The following RBFOX3 variants were observed in gnomAD, a reference collection of about 807,000 sequenced individuals.
RBFOX3 encodes the protein RNA binding fox-1 homolog 3, also known as RNA binding protein fox-1 homolog 3.
RBFOX3 carries 17 observed loss-of-function variants against 48.7 expected under a neutral mutation model. The observed-to-expected ratio is 0.35, with a 90% confidence interval of 0.24 to 0.52. The LOEUF (loss-of-function observed/expected upper bound fraction) is 0.52, where lower values mean the gene tolerates loss of function less well. RBFOX3 is among the 20% of genes least tolerant of loss of function. RBFOX3 has a pLI of 0.94. For missense variants in RBFOX3, 382 were observed against 497.5 expected (o/e 0.77, Z 2.21); for synonymous variants, 212 against 209.5 (o/e 1.01, Z -0.10).
chr17:79,214,120 A>G lies in RBFOX3; in HGVS notation c.-34+21646T>C, dbSNP rs1236420581. 6.6e-6 allele frequency among the ~76,000 whole-genome samples: 1 copy of G among 152,126 alleles called. No homozygotes were observed. The highest frequency in any genetic ancestry group is 6.5e-5 in the Admixed American group (1 of 15,274). On this transcript the variant is annotated intron_variant, in intron 4 of 14. Coordinates refer to ENST00000693108, the MANE Select transcript of RBFOX3 (RefSeq NM_001350451.2). The surrounding 1 kb of genome is among the most constrained non-coding windows in gnomAD (Gnocchi z 4.7). ...GGACTGAAATAAATGGAGTCAAGTG[A>G]ACTTCTTTGGTAAACCATGATGGAT... is the stretch of plus-strand genomic sequence containing the variant.
intron 1 of RBFOX3, among the ~76,000 whole-genome samples, chr17:79,604,616 T>A (rs2093785431): frequency 6.6e-6 from 1 of 152,148 alleles, no homozygotes; most frequent in Non-Finnish European, 1.5e-5. Flanking sequence ...AAAATAGGAG[T>A]TGTTTTTGAT....
At chr17:79,510,430 C>T (rs4790066) in intron 1 of RBFOX3, among the ~76,000 whole-genome samples, 43,123 of 152,172 alleles carry the variant, frequency 0.28, 7,643 homozygotes, top group Non-Finnish European at 0.39. Context: ...TACCCTCAGA[C>T]GACACACTCA....
chr17:79,300,068 T>TA (rs2075072307), intron 3 of RBFOX3, among the ~76,000 whole-genome samples: 1 of 152,118 alleles, frequency 6.6e-6, no homozygotes, highest in Non-Finnish European at 1.5e-5. Context: ...GCACACCCCC[T>TA]AACTTTTGTA....
At chr17:79,541,989 A>C (rs2089770598) in intron 1 of RBFOX3, among the ~76,000 whole-genome samples, 1 of 151,148 alleles carries the variant, frequency 6.6e-6, no homozygotes, top group Non-Finnish European at 1.5e-5. Flanking sequence ...TTCTTTTTAC[A>C]GAACAAAACC....
Position 79,499,081 on chromosome 17 carries a change from C to T in RBFOX3, c.-319-16483G>A, listed in dbSNP as rs148201832. On this transcript the variant is annotated intron_variant, in intron 1 of 14. Transcript: ENST00000693108. ...CCACATTCCTACCCATCCATGTACT[C>T]ACTCATCCATCTACTCACTCATCTA... 2.3e-3 allele frequency among the ~76,000 whole-genome samples: 342 copies of T among 151,238 alleles called. 1 individual carries two copies. Among genetic ancestry groups the T allele is most frequent in the African/African-American group, 8.2e-3 (337 of 41,236 alleles).
the RBFOX3 span, among the ~76,000 whole-genome samples, chr17:79,640,786 C>T: frequency 1.3e-5 from 2 of 152,022 alleles, no homozygotes; most frequent in Middle Eastern, 3.2e-3. Flanking sequence ...CACCTCACTC[C>T]ATACACAAAA....
At chr17:79,458,769 G>C (rs2074968567) in intron 2 of RBFOX3, among the ~76,000 whole-genome samples, 1 of 152,102 alleles carries the variant, frequency 6.6e-6, no homozygotes, top group South Asian at 2.1e-4. Context: ...ATCAGGGAGA[G>C]AATAAGGAGC....
intron 4 of RBFOX3, among the ~76,000 whole-genome samples, chr17:79,180,994 G>A (rs1196155445): frequency 6.6e-6 from 1 of 152,202 alleles, no homozygotes; most frequent in East Asian, 1.9e-4. Context: ...AAATCGGGGT[G>A]TCTTCCCCGT....
intron 8 of RBFOX3, among the ~76,000 whole-genome samples, chr17:79,102,728 G>A (rs965405466): frequency 1.3e-5 from 2 of 152,192 alleles, no homozygotes; most frequent in Admixed American, 1.3e-4. Context: ...GGCCAAGGTG[G>A]GGGCAAACTG....
chr17:79,506,831 C>T (rs912078277), intron 1 of RBFOX3, among the ~76,000 whole-genome samples: 8 of 152,160 alleles, frequency 5.3e-5, no homozygotes, highest in African/African-American at 7.2e-5. Flanking sequence ...GGAATCCTGA[C>T]GCAGCCCAGC....
rs1016667783 is a variant in RBFOX3 at position 79,103,718 on chromosome 17, C to T, written c.414+355G>A. ...GAAGGGGAGTAGGGCTTGTCTCCGC[C>T]GGACACCCTCCCCAGCCTGCCCTCT... On this transcript the variant is annotated intron_variant, in intron 7 of 14. Transcript: ENST00000693108. The surrounding 1 kb of genome is among the most constrained non-coding windows in gnomAD (Gnocchi z 6.1). Among the ~76,000 whole-genome samples, 7 of 152,178 alleles carry T rather than the reference C, an allele frequency of 4.6e-5. No homozygotes were observed. Among genetic ancestry groups the T allele is most frequent in the Non-Finnish European group, 7.4e-5 (5 of 67,974 alleles).
rs575130276 is a variant in RBFOX3, at chr17:79,112,261, G to A, written c.222+3233C>T. Among the ~76,000 whole-genome samples the A allele has an allele frequency of 3.9e-5, 6 of 152,306 alleles. No homozygotes were observed. In the South Asian group the frequency reaches 6.2e-4, roughly 16 times the overall value. On this transcript the variant is annotated intron_variant, in intron 5 of 14. Transcript: ENST00000693108. The stretch of plus-strand genomic sequence containing the variant: ...GAAGTCTCAGTGTCGGTGAGGGACC[G>A]GTGGCCCCCAGGAACCCCATGTTTC...
At chr17:79,502,687 A>G (rs2082540460) in intron 1 of RBFOX3, among the ~76,000 whole-genome samples, 2 of 152,164 alleles carry the variant, frequency 1.3e-5, no homozygotes, top group Non-Finnish European at 1.5e-5. Context: ...TGAACTGGAG[A>G]AAAACGGGGT....
At chr17:79,186,678 T>TA (rs34346626) in intron 4 of RBFOX3, among the ~76,000 whole-genome samples, 131,061 of 151,758 alleles carry the variant, frequency 0.86, 56,832 homozygotes, top group Admixed American at 0.91. Flanking sequence ...ATTCACTACT[T>TA]AAAAAAAAGA....
At chr17:79,534,360 A>G (rs1382022391) in intron 1 of RBFOX3, among the ~76,000 whole-genome samples, 1 of 152,180 alleles carries the variant, frequency 6.6e-6, no homozygotes, top group African/African-American at 2.4e-5. Context: ...TCATCGGAAC[A>G]TTGTCAAGCC....
intron 1 of RBFOX3, among the ~76,000 whole-genome samples, chr17:79,540,105 C>G (rs1206894781): frequency 6.6e-6 from 1 of 152,198 alleles, no homozygotes; most frequent in Non-Finnish European, 1.5e-5. Flanking sequence ...CCTGCTGTGT[C>G]CAGGGTGATA....
intron 1 of RBFOX3, among the ~76,000 whole-genome samples, chr17:79,568,526 CAACTGGTAGGCA>C (rs1197576423): frequency 3.3e-5 from 5 of 152,120 alleles, no homozygotes; most frequent in African/African-American, 1.2e-4. Flanking sequence ...AAGGGATATG[CAACTGGTAGGCA>C]AACTTCTGCT....
At chr17:79,331,505 G>GC (rs1466554422) in intron 2 of RBFOX3, among the ~76,000 whole-genome samples, 3 of 152,200 alleles carry the variant, frequency 2.0e-5, no homozygotes, top group Non-Finnish European at 1.5e-5. Flanking sequence ...AGAGGCCTCT[G>GC]CCCCCCCTGG....
At chr17:79,643,948 C>G in the RBFOX3 span, among the ~76,000 whole-genome samples, 1 of 151,456 alleles carries the variant, frequency 6.6e-6, no homozygotes, top group African/African-American at 2.4e-5. Flanking sequence ...GGAAAACAGA[C>G]AAAAAGAAAA....
Sources: allele counts gnomAD v4.1 joint callset (sites outside exome capture counted in the v4.1 genomes callset), GRCh38; gene constraint gnomAD v4.1.1; non-coding constraint Gnocchi (gnomAD v3.1); transcripts MANE v1.5; gene names NCBI Gene and HGNC (gene_info 2026-07-23, HGNC 2026-07-21).